Variants in CKLF observed in about 807,000 individuals in gnomAD.
CKLF encodes the protein chemokine like factor.
In CKLF, 16 loss-of-function variants were observed where a neutral mutation model predicts 12.9. The observed-to-expected ratio is 1.24, with a 90% CI of 0.84 to 1.88. The LOEUF is 1.88. Among genes scored for constraint, CKLF ranks in the 40% most tolerant of loss-of-function variants. The pLI is 0.00. For missense variants in CKLF, 172 were observed against 188.5 expected (o/e 0.91, Z 0.51); for synonymous variants, 61 against 69.0 (o/e 0.88, Z 0.57).
intron 3 of CKLF, 107 bp downstream of exon 3, chr16:66,563,324 T>A: frequency 7.4e-7 from 1 of 1,344,860 alleles, no homozygotes; most frequent in Non-Finnish European, 1.0e-6. Context: ...ATCCTTGAGA[T>A]TCCTAGGCCA....
chr16:66,558,163 A>C (rs1337079652), intron 1 of CKLF, 27 bp from the exon 2 acceptor site: 2 of 1,601,372 alleles, frequency 1.2e-6, no homozygotes, highest in Non-Finnish European at 1.7e-6. Flanking sequence ...GTTGTCACTG[A>C]ATAAATCGTG....
At chr16:66,566,098 A>G, downstream of CKLF, 2 of 1,611,896 alleles carry the variant, frequency 1.2e-6, no homozygotes, top group African/African-American at 1.3e-5. The surrounding 1 kb of genome is among the most constrained non-coding windows in gnomAD (Gnocchi z 4.9). Context: ...TTAACTCAGT[A>G]TAGGAGCTAG....
intron 3 of CKLF, among the ~76,000 whole-genome samples, chr16:66,563,658 T>C (rs2011913679): frequency 6.6e-6 from 1 of 152,202 alleles, no homozygotes; most frequent in African/African-American, 2.4e-5. Context: ...TTCAGATCCT[T>C]CAGATAGAAT....
chr16:66,564,875 G>A (rs529380031), intron 3 of CKLF, among the ~76,000 whole-genome samples: 5 of 152,294 alleles, frequency 3.3e-5, no homozygotes, highest in African/African-American at 9.6e-5. Flanking sequence ...GCACTGACTA[G>A]AGTGTGAGCC....
intron 3 of CKLF, among the ~76,000 whole-genome samples, chr16:66,564,469 C>CTT (rs552824877): frequency 2.8e-5 from 4 of 142,686 alleles, no homozygotes; most frequent in Admixed American, 7.0e-5. Context: ...TTATTTTTTT[C>CTT]TTTTTTTTTT....
chr16:66,553,161 A>AAGAACAAAAAC (rs1567548005), intron 1 of CKLF, among the ~76,000 whole-genome samples: 1 of 150,214 alleles, frequency 6.7e-6, no homozygotes, highest in African/African-American at 2.5e-5. Context: ...CTGCCTCTTT[A>AAGAACAAAAAC]AAAACAAAAA....
At chr16:66,558,794 G>C (rs1309602629) in intron 2 of CKLF, among the ~76,000 whole-genome samples, 1 of 152,110 alleles carries the variant, frequency 6.6e-6, no homozygotes, top group Admixed American at 6.5e-5. Flanking sequence ...AATTGGGGAG[G>C]CTAAAGTACA....
chr16:66,561,118 G>A (rs1425715060), intron 2 of CKLF, among the ~76,000 whole-genome samples: 1 of 152,058 alleles, frequency 6.6e-6, no homozygotes, highest in East Asian at 1.9e-4. Context: ...TAATCTGTAG[G>A]TGGGGAAAAG....
chr16:66,553,324 CAG>C (rs2011269801), intron 1 of CKLF: 1 of 151,788 alleles, frequency 6.6e-6, no homozygotes. Flanking sequence ...AAAAAAGCCT[CAG>C]GGGTTTCGGT....
At chr16:66,558,153 G>A (rs1458439477) in intron 1 of CKLF, 37 bp from the exon 2 acceptor site, 1 of 1,598,024 alleles carries the variant, frequency 6.3e-7, no homozygotes, top group Admixed American at 1.8e-5. Flanking sequence ...TTTGTATTCA[G>A]TTGTCACTGA....
intron 2 of CKLF, among the ~76,000 whole-genome samples, chr16:66,561,556 A>G (rs2011721280): frequency 1.3e-5 from 2 of 152,106 alleles, no homozygotes. Flanking sequence ...ACCCTTGCCC[A>G]GATTGCTCAC....
intron 1 of CKLF, among the ~76,000 whole-genome samples, chr16:66,554,468 A>G (rs1434344541): frequency 6.6e-6 from 1 of 152,264 alleles, no homozygotes; most frequent in Admixed American, 6.5e-5. Flanking sequence ...TAATCTGTGT[A>G]ATGCCTGTCA....
intron 2 of CKLF, among the ~76,000 whole-genome samples, chr16:66,559,034 T>A (rs1215454471): frequency 2.0e-5 from 3 of 152,140 alleles, no homozygotes; most frequent in African/African-American, 4.8e-5. Context: ...AAAAACTGAG[T>A]GACTTCTCCT....
At chr16:66,555,200 G>A (rs2011385398) in intron 1 of CKLF, among the ~76,000 whole-genome samples, 1 of 152,168 alleles carries the variant, frequency 6.6e-6, no homozygotes, top group Non-Finnish European at 1.5e-5. Context: ...TCACCCCACT[G>A]CACTCCAGCC....
intron 1 of CKLF, among the ~76,000 whole-genome samples, chr16:66,556,881 A>G (rs1337010586): frequency 6.6e-6 from 1 of 152,250 alleles, no homozygotes; most frequent in Admixed American, 6.5e-5. Context: ...AAGTCTAGCC[A>G]GGGAAGACTC....
chr16:66,560,337 T>C (rs1389839234), intron 2 of CKLF, among the ~76,000 whole-genome samples: 1 of 152,112 alleles, frequency 6.6e-6, no homozygotes, highest in African/African-American at 2.4e-5. Flanking sequence ...CTGTGGACTT[T>C]AACCCAAAGG....
At chr16:66,566,259 C>T, downstream of CKLF, 1 of 1,456,706 alleles carries the variant, frequency 6.9e-7, no homozygotes, top group Non-Finnish European at 9.0e-7. The surrounding 1 kb of genome is among the most constrained non-coding windows in gnomAD (Gnocchi z 4.9). Context: ...CTTTGAATCT[C>T]TTTACTGCCT....
At chr16:66,559,760 C>CT (rs2011596395) in intron 2 of CKLF, among the ~76,000 whole-genome samples, 1 of 152,178 alleles carries the variant, frequency 6.6e-6, no homozygotes, top group Non-Finnish European at 1.5e-5. Context: ...CCCCAAATCT[C>CT]TAAGGATCAA....
intron 2 of CKLF, among the ~76,000 whole-genome samples, chr16:66,562,410 C>A (rs1490798752): frequency 6.6e-6 from 1 of 152,134 alleles, no homozygotes; most frequent in Non-Finnish European, 1.5e-5. Flanking sequence ...TCTGCATTTT[C>A]TTACGTTATT....
Sources: allele counts gnomAD v4.1 joint callset (sites outside exome capture counted in the v4.1 genomes callset), GRCh38; gene constraint gnomAD v4.1.1; non-coding constraint Gnocchi (gnomAD v3.1); transcripts MANE v1.5; gene names NCBI Gene and HGNC (gene_info 2026-07-23, HGNC 2026-07-21).